The following LRRTM4 variants were observed in gnomAD, a reference collection of about 807,000 sequenced individuals.
LRRTM4 encodes the protein leucine-rich repeat transmembrane neuronal protein 4.
In LRRTM4, 25 loss-of-function variants were observed where a neutral mutation model predicts 47.6. The observed-to-expected ratio is 0.53, with a 90% CI of 0.38 to 0.73. The LOEUF (loss-of-function observed/expected upper bound fraction) is 0.73, where lower values mean the gene tolerates loss of function less well. LRRTM4 is among the 30% of genes least tolerant of loss of function. The probability of loss-of-function intolerance (pLI) is 0.00; values close to 1 mark genes in which losing one functional copy is unlikely to be tolerated. For synonymous variants in LRRTM4, 311 were observed against 269.5 expected, an observed-to-expected ratio of 1.15 and a Z score of -1.51; for missense variants, 638 against 713.4, an observed-to-expected ratio of 0.89 and a Z score of 1.20.
chr2:77,041,213 A>G (rs1450587746), intron 3 of LRRTM4, among the ~76,000 whole-genome samples: 1 of 151,516 alleles, frequency 6.6e-6, no homozygotes, highest in Non-Finnish European at 1.5e-5. Context: ...TTAATATAAT[A>G]TTCTTTGGGT....
intron 3 of LRRTM4, among the ~76,000 whole-genome samples, chr2:76,838,961 C>A (rs892064882): frequency 6.6e-6 from 1 of 152,028 alleles, no homozygotes; most frequent in African/African-American, 2.4e-5. Context: ...TATTTACTAA[C>A]AATACTGGCA....
intron 3 of LRRTM4, among the ~76,000 whole-genome samples, chr2:76,864,958 A>G (rs1672424927): frequency 6.6e-6 from 1 of 150,856 alleles, no homozygotes; most frequent in Admixed American, 6.6e-5. Context: ...GCTGGTCTCA[A>G]TCTCCTGGCT....
intron 3 of LRRTM4, among the ~76,000 whole-genome samples, chr2:77,471,869 C>G (rs1158836369): frequency 2.6e-5 from 4 of 152,156 alleles, no homozygotes; most frequent in Admixed American, 2.6e-4. Flanking sequence ...CACACATATA[C>G]AGTTTATCTA....
chr2:76,946,294 G>A (rs986403997), intron 3 of LRRTM4, among the ~76,000 whole-genome samples: 18 of 151,812 alleles, frequency 1.2e-4, no homozygotes, highest in Admixed American at 5.9e-4. Flanking sequence ...TATTGTCAGC[G>A]TTTGTTCAGT....
intron 3 of LRRTM4, among the ~76,000 whole-genome samples, chr2:77,053,434 A>G (rs1268945750): frequency 6.6e-6 from 1 of 152,182 alleles, no homozygotes; most frequent in Non-Finnish European, 1.5e-5. Flanking sequence ...ATAAGGAACT[A>G]ATAATAACAG....
chr2:77,147,338 C>G (rs183333587), intron 3 of LRRTM4, among the ~76,000 whole-genome samples: 1 of 152,084 alleles, frequency 6.6e-6, no homozygotes, highest in Non-Finnish European at 1.5e-5. Context: ...TCAGCTCAGA[C>G]AATAAAACAT....
At chr2:76,902,479 G>A (rs1258332443) in intron 3 of LRRTM4, among the ~76,000 whole-genome samples, 2 of 152,132 alleles carry the variant, frequency 1.3e-5, no homozygotes, top group African/African-American at 4.8e-5. Context: ...AGAGATTCCT[G>A]AGGAAAAGAA....
Position 76,805,380 on chromosome 2 carries a change from C to G in LRRTM4, c.1552-56464G>C, listed in dbSNP as rs530685404. ...AACCATTGATTTTTAAAAGAAAAAA[C>G]TACTTAAATAAACTATCATTTTATA... On this transcript the variant is annotated intron_variant, in intron 3 of 3. Coordinates refer to ENST00000409884, the MANE Select transcript of LRRTM4 (RefSeq NM_001134745.3). Among the ~76,000 whole-genome samples, 221 of 152,172 alleles carry G rather than the reference C, an allele frequency of 1.5e-3. 2 individuals carry two copies. The highest frequency in any genetic ancestry group is 5.2e-3 in the African/African-American group (218 of 41,528).
At chr2:76,922,482 A>G (rs113914871) in intron 3 of LRRTM4, among the ~76,000 whole-genome samples, 9 of 152,208 alleles carry the variant, frequency 5.9e-5, no homozygotes, top group Non-Finnish European at 1.0e-4. Flanking sequence ...TCCCCCCACC[A>G]GACCCTTCCC....
chr2:77,389,172 G>A (rs1448538136), intron 3 of LRRTM4, among the ~76,000 whole-genome samples: 6 of 151,960 alleles, frequency 3.9e-5, no homozygotes, highest in Non-Finnish European at 1.5e-5. Context: ...TTTAATAGCT[G>A]CCAAACATAT....
At chr2:77,265,211 T>G in intron 3 of LRRTM4, among the ~76,000 whole-genome samples, 1 of 152,160 alleles carries the variant, frequency 6.6e-6, no homozygotes, top group East Asian at 1.9e-4. Context: ...TTAACTACTT[T>G]ATTTATCATA....
intron 3 of LRRTM4, among the ~76,000 whole-genome samples, chr2:76,804,365 A>G (rs757169928): frequency 4.6e-5 from 7 of 152,070 alleles, no homozygotes; most frequent in Non-Finnish European, 1.0e-4. Context: ...TTGAAATTTT[A>G]TTTGAAAACA....
intron 3 of LRRTM4, among the ~76,000 whole-genome samples, chr2:76,779,055 A>C (rs1360319523): frequency 7.5e-6 from 1 of 133,588 alleles, no homozygotes; most frequent in Non-Finnish European, 1.6e-5. Context: ...TTCAGTTTCC[A>C]TGTAGTTGAG....
rs571663520 is a variant in LRRTM4, at chr2:77,244,782, C to G, written c.1551+273536G>C. Among the ~76,000 whole-genome samples, 4 of 152,270 alleles carry G rather than the reference C, an allele frequency of 2.6e-5. No homozygotes were observed. In the East Asian group the frequency reaches 7.7e-4, roughly 29 times the overall value. The stretch of plus-strand genomic sequence containing the variant: ...TTTCTCAGTCTGATGAAACAACCTG[C>G]AATGTTTTTAATTACCCTTTGAAGA... On this transcript the variant is annotated intron_variant, in intron 3 of 3. Coordinates refer to ENST00000409884, the MANE Select transcript of LRRTM4 (RefSeq NM_001134745.3).
At chr2:77,022,130 T>A (rs1430006203) in intron 3 of LRRTM4, among the ~76,000 whole-genome samples, 5 of 152,098 alleles carry the variant, frequency 3.3e-5, no homozygotes, top group African/African-American at 1.2e-4. Context: ...GTGAAAGTAC[T>A]TCTTACATGG....
intron 3 of LRRTM4, among the ~76,000 whole-genome samples, chr2:77,356,247 C>T (rs1671964966): frequency 6.6e-6 from 1 of 152,100 alleles, no homozygotes; most frequent in South Asian, 2.1e-4. Context: ...AGACACTATC[C>T]TTTATGATAA....
rs187082807 is a variant in LRRTM4, at chr2:77,044,542, G to A, written c.1552-295626C>T. On this transcript the variant is annotated intron_variant, in intron 3 of 3. Transcript: ENST00000409884. ...AAACATATGCAGATATTAGTCAAGG[G>A]TGTGTGTGTCTGTGAGTGTGTGTGT... 5.9e-5 allele frequency among the ~76,000 whole-genome samples: 9 copies of A among 151,506 alleles called. No individual in the cohort carries two copies. In the South Asian group the frequency reaches 1.5e-3, roughly 24 times the overall value.
intron 3 of LRRTM4, among the ~76,000 whole-genome samples, chr2:76,804,931 T>C (rs1675894244): frequency 6.6e-6 from 1 of 151,986 alleles, no homozygotes. Context: ...TAGCAGAACT[T>C]TGACAATTTT....
intron 3 of LRRTM4, among the ~76,000 whole-genome samples, chr2:77,040,415 A>G (rs568169504): frequency 6.6e-6 from 1 of 151,534 alleles, no homozygotes; most frequent in South Asian, 2.1e-4. Context: ...GTCATATCAT[A>G]TGAAGCTGAA....
Sources: gnomAD v4.1 joint callset for allele counts (sites outside exome capture counted in the v4.1 genomes callset) on GRCh38, gnomAD v4.1.1 for gene constraint, MANE v1.5 for transcripts, NCBI Gene and HGNC (gene_info 2026-07-23, HGNC 2026-07-21) for gene names.